The following ULK1 variants were observed in gnomAD, a reference collection of about 807,000 sequenced individuals.
ULK1 encodes unc-51 like autophagy activating kinase 1.
ULK1 carries 48 observed loss-of-function variants against 117.5 expected under a neutral mutation model. That is an observed-to-expected ratio of 0.41 (90% CI 0.32 to 0.52). The LOEUF is 0.52. Ranked by LOEUF, ULK1 falls within the 20% of genes least tolerant of loss-of-function variation. The pLI is 0.29. For synonymous variants in ULK1, 790 were observed against 637.8 expected, an observed-to-expected ratio of 1.24 and a Z score of -3.60; for missense variants, 1,387 against 1,473.4, an observed-to-expected ratio of 0.94 and a Z score of 0.96.
Position 131,921,686 on chromosome 12 carries a change from G to A in ULK1, c.*325G>A, listed in dbSNP as rs1890156843. The A allele has an allele frequency of 8.2e-6, 5 of 609,362 alleles. No homozygotes were observed. The Admixed American group carries it at 9.3e-5, about 11-fold the overall frequency. The allele number at this position is 609,362 out of a possible 1,614,324, so 37.7% of individuals were successfully genotyped here. A position where few individuals can be genotyped will look rare whatever the true frequency, so the allele number is the denominator to read the frequency against. On this transcript the variant is annotated 3_prime_UTR_variant, in exon 28 of 28. Coordinates refer to ENST00000321867, the MANE Select transcript of ULK1 (RefSeq NM_003565.4). Reference sequence around the variant, plus strand: ...AGCCCCGGAGGACAGGCAAGGGCCTGAGACCACTGCCGACTCAAAGCCAAA... The same window carrying A: ...AGCCCCGGAGGACAGGCAAGGGCCTAAGACCACTGCCGACTCAAAGCCAAA...
At chr12:131,912,713 G>A (rs565244623) in intron 13 of ULK1, among the ~76,000 whole-genome samples, 3 of 152,356 alleles carry the variant, frequency 2.0e-5, no homozygotes, top group African/African-American at 7.2e-5. Flanking sequence ...TGAGGCCCGA[G>A]CCAAGCCCCA....
At position 131,922,061 on chromosome 12, in the gene ULK1, A is replaced by G. The variant is rs1202730857; in HGVS notation, c.*700A>G. ...AGAGGCAGAGGCAGTTCTTTGTTCAAGCGTTCCTCTGGGGACCGGCAGCAG... is the reference window on the plus strand; with the variant it reads ...AGAGGCAGAGGCAGTTCTTTGTTCAGGCGTTCCTCTGGGGACCGGCAGCAG... On this transcript the variant is annotated 3_prime_UTR_variant, in exon 28 of 28. Coordinates refer to ENST00000321867, the MANE Select transcript of ULK1 (RefSeq NM_003565.4). 6.6e-6 allele frequency: 3 copies of G among 453,398 alleles called. No homozygotes were observed. The highest frequency in any genetic ancestry group is 1.3e-5 in the Non-Finnish European group (3 of 224,742). 28.1% of individuals were successfully genotyped at this position (453,398 alleles called of 1,614,324 possible).
intron 16 of ULK1, 128 bp from the exon 17 acceptor site, chr12:131,914,955 C>T: frequency 8.9e-6 from 12 of 1,354,594 alleles, no homozygotes; most frequent in Admixed American, 3.0e-5. Context: ...AGCCACTTGG[C>T]GTGGCATGGG....
At chr12:131,905,784 A>G (rs1008497927) in intron 3 of ULK1, among the ~76,000 whole-genome samples, 2 of 152,262 alleles carry the variant, frequency 1.3e-5, no homozygotes, top group African/African-American at 4.8e-5. Context: ...TCCCAGTCCC[A>G]GGTGAGGGTG....
Position 131,922,107 on chromosome 12 carries a change from C to CCTGG in ULK1, c.*747_*750dup, listed in dbSNP as rs1593280085. The CCTGG allele has an allele frequency of 4.6e-6, 2 of 438,164 alleles. No individual in the cohort carries two copies. Among genetic ancestry groups the CCTGG allele is most frequent in the Non-Finnish European group, 4.6e-6 (1 of 216,752 alleles). 27.1% of individuals were successfully genotyped at this position (438,164 alleles called of 1,614,324 possible). A position where few individuals can be genotyped will look rare whatever the true frequency, so the allele number is the denominator to read the frequency against. ...AGCAGAGGCACCGTGTTCTCTCAGCCCTGGATACGTCTTGTAATCTTTCAC... is the reference window on the plus strand; with the variant it reads ...AGCAGAGGCACCGTGTTCTCTCAGCCCTGGCTGGATACGTCTTGTAATCTTTCAC... On this transcript the variant is annotated 3_prime_UTR_variant, in exon 28 of 28. Coordinates refer to ENST00000321867, the MANE Select transcript of ULK1 (RefSeq NM_003565.4).
At chr12:131,915,003 C>T in intron 16 of ULK1, 80 bp from the exon 17 acceptor site, 1 of 1,496,494 alleles carries the variant, frequency 6.7e-7, no homozygotes, top group Non-Finnish European at 8.9e-7. Flanking sequence ...TAATACCTGC[C>T]TTGTCCCCAG....
In ULK1 at chr12:131,921,823, G is replaced by A. The variant is rs568097921; in HGVS notation, c.*462G>A. The A allele has an allele frequency of 2.1e-6, 1 of 477,386 alleles. No individual in the cohort carries two copies. The highest frequency in any genetic ancestry group is 1.5e-5 in the South Asian group (1 of 64,734). The allele number at this position is 477,386 out of a possible 1,614,324, so 29.6% of individuals were successfully genotyped here. A position where few individuals can be genotyped will look rare whatever the true frequency, so the allele number is the denominator to read the frequency against. On this transcript the variant is annotated 3_prime_UTR_variant, in exon 28 of 28. Transcript: ENST00000321867. Reference sequence around the variant, plus strand: ...CCCTCCGAGATACCCACCCAGCTTTGTCAATCACCCAAGCACTTTATGCAT... The same window carrying A: ...CCCTCCGAGATACCCACCCAGCTTTATCAATCACCCAAGCACTTTATGCAT...
intron 20 of ULK1, 137 bp downstream of exon 20, chr12:131,916,728 G>GCTCTC: frequency 8.1e-7 from 1 of 1,236,710 alleles, no homozygotes; most frequent in Non-Finnish European, 1.1e-6. Context: ...GTGTGGCTGG[G>GCTCTC]TGCCAGAGAG....
rs1479731397 is a variant in ULK1 at position 131,902,710 on chromosome 12, G to T, written c.247-4182G>T. On this transcript the variant is annotated intron_variant, in intron 3 of 27. Coordinates refer to ENST00000321867, the MANE Select transcript of ULK1 (RefSeq NM_003565.4). This position sits in a 1 kb window ranked among gnomAD's most constrained non-coding sequence, Gnocchi z 6.3. Reference sequence around the variant, plus strand: ...CCCGGGGTGGGGGTGATGGTGCAGGGAGCCTGGTGTGTTTGATTAGGGCAT... The same window carrying T: ...CCCGGGGTGGGGGTGATGGTGCAGGTAGCCTGGTGTGTTTGATTAGGGCAT... Among the ~76,000 whole-genome samples, 3 of 152,168 alleles carry T rather than the reference G, an allele frequency of 2.0e-5. No homozygotes were observed. Among genetic ancestry groups the T allele is most frequent in the Admixed American group, 2.0e-4 (3 of 15,282 alleles).
At chr12:131,914,502 C>T in intron 16 of ULK1, 25 bp downstream of exon 16, 2 of 1,605,504 alleles carry the variant, frequency 1.2e-6, no homozygotes, top group Non-Finnish European at 1.7e-6. Context: ...CCCAGGTAGC[C>T]AGGCGTGGCT....
chr12:131,914,262 G>A, intron 15 of ULK1, 90 bp from the exon 16 acceptor site: 1 of 1,558,040 alleles, frequency 6.4e-7, no homozygotes, highest in Non-Finnish European at 8.7e-7. Context: ...GGAAGTCTGG[G>A]CCTAGGCTTT....
In ULK1 at chr12:131,895,621, C is replaced by T; in HGVS notation, c.132C>T (p.Ala44=). Residue 44 remains alanine, a synonymous_variant, in exon 2 of 28, where the codon GCC becomes GCT. Coordinates refer to ENST00000321867, the MANE Select transcript of ULK1 (RefSeq NM_003565.4). ...TTCAGAAGCACGATTTGGAGGTCGC[C>T]GTCAAGTGCATTAACAAGAAGAACC... is the stretch of plus-strand genomic sequence containing the variant. ...RHREKHDLEV[A]VKCINKKNLA... 1.2e-6 allele frequency: 2 copies of T among 1,613,952 alleles called. No individual in the cohort carries two copies. Among genetic ancestry groups the T allele is most frequent in the Non-Finnish European group, 1.7e-6 (2 of 1,179,972 alleles).
intron 5 of ULK1, 97 bp from the exon 6 acceptor site, chr12:131,908,547 G>T: frequency 7.3e-7 from 1 of 1,366,386 alleles, no homozygotes. Flanking sequence ...CCTGCCTGGC[G>T]CTCTCCATCC....
chr12:131,916,135 C>G lies in ULK1; in HGVS notation c.1854C>G (p.Pro618=). 1 of 1,612,292 alleles carries G rather than the reference C, an allele frequency of 6.2e-7. No individual in the cohort carries two copies. The highest frequency in any genetic ancestry group is 8.5e-7 in the Non-Finnish European group (1 of 1,179,732). ...ACTTCCTGCAGCGAAACCCCCTGCCCCCCATCCTGGGCTCCCCCACCAAGG... is the reference window on the plus strand; with the variant it reads ...ACTTCCTGCAGCGAAACCCCCTGCCGCCCATCCTGGGCTCCCCCACCAAGG... ...LPDFLQRNPL[P]PILGSPTKAV... is the part of the protein sequence containing the mutation. Residue 618 remains proline (P), a synonymous_variant, in exon 19 of 28, where the codon CCC becomes CCG. Coordinates refer to ENST00000321867, the MANE Select transcript of ULK1 (RefSeq NM_003565.4).
intron 22 of ULK1, 71 bp downstream of exon 22, chr12:131,917,625 C>T: frequency 1.5e-6 from 2 of 1,293,360 alleles, no homozygotes; most frequent in Non-Finnish European, 2.0e-6. Context: ...CGGGGGCATC[C>T]TTTAACTCGG....
intron 3 of ULK1, chr12:131,897,512 G>A (rs1434682585): frequency 6.6e-6 from 1 of 152,238 alleles, no homozygotes; most frequent in Non-Finnish European, 1.5e-5. Flanking sequence ...TCTGCGCCGT[G>A]AATTTTGTCA....
intron 14 of ULK1, 52 bp downstream of exon 14, chr12:131,913,310 T>A: frequency 1.4e-6 from 2 of 1,479,428 alleles, no homozygotes; most frequent in Non-Finnish European, 1.8e-6. Flanking sequence ...ACTGTGGCCT[T>A]GGAAGTGGCC....
At chr12:131,920,209 C>A in intron 26 of ULK1, 73 bp downstream of exon 26, 1 of 1,544,808 alleles carries the variant, frequency 6.5e-7, no homozygotes, top group Middle Eastern at 1.7e-4. Context: ...TGGGACGGGA[C>A]CTTGATGCCC....
At chr12:131,916,347 C>T in intron 19 of ULK1, 51 bp from the exon 20 acceptor site, 2 of 1,527,122 alleles carry the variant, frequency 1.3e-6, no homozygotes, top group Non-Finnish European at 1.8e-6. Flanking sequence ...GCACCGGGCC[C>T]CAGGGCTGCA....
Sources: gnomAD v4.1 joint callset for allele counts (sites outside exome capture counted in the v4.1 genomes callset) on GRCh38, gnomAD v4.1.1 for gene constraint, Gnocchi (gnomAD v3.1) non-coding constraint, MANE v1.5 for transcripts, NCBI Gene and HGNC (gene_info 2026-07-23, HGNC 2026-07-21) for gene names.